USP39: variants seen among roughly 807,000 people sequenced by gnomAD.
The protein encoded by USP39 is ubiquitin specific peptidase 39, also known as ubiquitin carboxyl-terminal hydrolase 39.
In USP39, 38 loss-of-function variants were observed where a neutral mutation model predicts 66.4. The observed-to-expected ratio is 0.57, with a 90% CI of 0.44 to 0.75. The LOEUF (loss-of-function observed/expected upper bound fraction) is 0.75. Among genes scored for constraint, USP39 ranks in the 30% least tolerant of loss-of-function variants. The pLI is 0.00. For missense variants in USP39, 608 were observed against 714.4 expected (o/e 0.85, Z 1.70); for synonymous variants, 303 against 274.6 (o/e 1.10, Z -1.02).
chr2:85,640,616 TATA>T (rs796095068), intron 9 of USP39, among the ~76,000 whole-genome samples: 6 of 140,514 alleles, frequency 4.3e-5, no homozygotes, highest in African/African-American at 1.7e-4. Context: ...TATATATATA[TATA>T]TTTTTTTTTT....
intron 5 of USP39, among the ~76,000 whole-genome samples, chr2:85,630,184 C>T (rs1344253636): frequency 6.6e-6 from 1 of 152,002 alleles, no homozygotes; most frequent in Admixed American, 6.6e-5. Flanking sequence ...GTCCTCACAG[C>T]TCCCTATATT....
rs567706164 is a variant in USP39 at position 85,621,683 on chromosome 2, A to G, written c.433+104A>G. ...TCAGGAATCATATCTAATAATTTCT[A>G]TTTGTTCCCAGGAAATTGAAATATT... is the stretch of plus-strand genomic sequence containing the variant. On this transcript the variant is annotated intron_variant, in intron 3 of 12. Coordinates refer to ENST00000323701, the MANE Select transcript of USP39 (RefSeq NM_006590.4). The G allele has an allele frequency of 2.4e-4, 221 of 906,006 alleles. 1 individual carries two copies. The Middle Eastern group carries it at 4.5e-3, about 19-fold the overall frequency. The allele number at this position is 906,006 out of a possible 1,614,324, so 56.1% of individuals were successfully genotyped here.
rs1325941636 is a variant in USP39, at chr2:85,637,398, A to G, written c.1057A>G (p.Met353Val). Residue 353 changes from methionine (M) to valine (V), a missense_variant, in exon 8 of 13, where the codon ATG (methionine) becomes GTG (valine). Met to Val is a conservative substitution (Grantham distance 21, BLOSUM62 1). This residue lies in a region of USP39 where 72 missense variants were observed against 60.1 expected (regional missense o/e 1.20). Transcript: ENST00000323701. ...TGTGACTGATGTTTTCCAGGGGTCC[A>G]TGAGGATCTTCACTAAAAAGCTTCC... ...TIVTDVFQGSMRIFTKKLPHP... is the reference protein window; with the variant it reads ...TIVTDVFQGSVRIFTKKLPHP... 1 of 1,614,086 alleles carries G rather than the reference A, an allele frequency of 6.2e-7. No individual in the cohort carries two copies. The highest frequency in any genetic ancestry group is 1.3e-5 in the African/African-American group (1 of 74,940).
At chr2:85,604,972 G>A (rs960137573) in intron 1 of USP39, among the ~76,000 whole-genome samples, 4 of 152,212 alleles carry the variant, frequency 2.6e-5, no homozygotes, top group African/African-American at 9.7e-5. Flanking sequence ...ATCCCAGGAT[G>A]GAGCTCCGTA....
At chr2:85,643,784 A>G (rs1676433183) in intron 10 of USP39, among the ~76,000 whole-genome samples, 1 of 151,072 alleles carries the variant, frequency 6.6e-6, no homozygotes, top group African/African-American at 2.4e-5. Flanking sequence ...AATAGGTGGG[A>G]CTACAGGTGC....
upstream of USP39, among the ~76,000 whole-genome samples, chr2:85,615,283 G>A (rs955350478): frequency 2.0e-5 from 3 of 152,158 alleles, no homozygotes; most frequent in African/African-American, 7.2e-5. Context: ...GCCTCCCAAA[G>A]TGCTGGTATT....
upstream of USP39, chr2:85,612,079 G>A (rs1358772432): frequency 8.4e-6 from 9 of 1,066,888 alleles, no homozygotes; most frequent in South Asian, 1.7e-5. Context: ...TCAGCTTCCG[G>A]CCCCGCATCC....
At chr2:85,606,883 G>C (rs1431865455) in intron 1 of USP39, 1 of 151,746 alleles carries the variant, frequency 6.6e-6, no homozygotes, top group African/African-American at 2.4e-5. Context: ...CCAGGTTTAG[G>C]TGATTCTCTT....
chr2:85,639,416 G>T (rs780878897), intron 9 of USP39, 25 bp downstream of exon 9: 2 of 1,582,874 alleles, frequency 1.3e-6, no homozygotes, highest in Admixed American at 1.8e-5. Flanking sequence ...CACCTGCCCT[G>T]CCTATACTTA....
chr2:85,617,325 C>T (rs1289272008), intron 1 of USP39, among the ~76,000 whole-genome samples: 1 of 152,130 alleles, frequency 6.6e-6, no homozygotes, highest in Non-Finnish European at 1.5e-5. Flanking sequence ...GAGCAATAGG[C>T]ACCTCTACTA....
intron 12 of USP39, 124 bp from the exon 13 acceptor site, chr2:85,648,637 G>A (rs928576216): frequency 9.0e-7 from 1 of 1,107,708 alleles, no homozygotes. Context: ...ATTTCCAAAT[G>A]GGGTATAGCA....
chr2:85,639,370 G>A lies in USP39; in HGVS notation c.1263G>A (p.Lys421=), dbSNP rs770205593. The change falls in exon 9 of 13, where the codon AAG becomes AAA. Residue 421 remains lysine (K), a synonymous_variant. Transcript: ENST00000323701. ...TGCCACTCTTCAACATCCTGGCTAA[G>A]TTCAATGGCATCACTGAGAAGGTAG... is the stretch of plus-strand genomic sequence containing the variant. ...PQVPLFNILA[K]FNGITEKEYK... is the part of the protein sequence containing the mutation. 8.1e-5 allele frequency: 130 copies of A among 1,613,138 alleles called. No homozygotes were observed. In the Middle Eastern group the frequency reaches 1.6e-3, roughly 20 times the overall value.
chr2:85,616,181 C>G (rs768449573), upstream of USP39: 2 of 1,422,748 alleles, frequency 1.4e-6, no homozygotes, highest in East Asian at 5.5e-5. Flanking sequence ...CTGGACGACT[C>G]GGCCGGTAGT....
At position 85,640,984 on chromosome 2, in the gene USP39, G is replaced by C. The variant is rs1303852696; in HGVS notation, c.1293G>C (p.Lys431Asn). 1 of 1,609,208 alleles carries C rather than the reference G, an allele frequency of 6.2e-7. No individual in the cohort carries two copies. The highest frequency in any genetic ancestry group is 1.3e-5 in the African/African-American group (1 of 74,444). The change falls in exon 10 of 13, where the codon AAG (lysine) becomes AAC (asparagine). Residue 431 changes from lysine to asparagine, a missense_variant. By Grantham distance (94) the Lys-to-Asn change is moderately conservative. Coordinates refer to ENST00000323701, the MANE Select transcript of USP39 (RefSeq NM_006590.4). ...KFNGITEKEY[K>N]TYKENFLKRF... ...TTCTTTTCTTTCTCTAGGAATATAA[G>C]ACTTACAAGGAGAACTTTCTGAAGC...
At position 85,616,585 on chromosome 2, in the gene USP39, G is replaced by A. The variant is rs374503032; in HGVS notation, c.268+122G>A. ...GGGGGAGGGGTGGGGTTGGGGTGGAGAAGAGGAGGGATCCAGACTCGACGA... is the reference window on the plus strand; with the variant it reads ...GGGGGAGGGGTGGGGTTGGGGTGGAAAAGAGGAGGGATCCAGACTCGACGA... On this transcript the variant is annotated intron_variant, in intron 1 of 12. Transcript: ENST00000323701. The A allele has an allele frequency of 2.8e-4, 380 of 1,373,760 alleles. 5 individuals are homozygous for A. In the South Asian group the frequency reaches 4.7e-3, roughly 17 times the overall value. 85.1% of individuals were successfully genotyped at this position (1,373,760 alleles called of 1,614,324 possible).
At chr2:85,609,113 G>A, upstream of USP39, 1 of 1,605,994 alleles carries the variant, frequency 6.2e-7, no homozygotes, top group Non-Finnish European at 8.5e-7. Flanking sequence ...GCCTCTTCCA[G>A]AAAGGTGACC....
intron 4 of USP39, among the ~76,000 whole-genome samples, chr2:85,625,252 A>G (rs566552617): frequency 2.6e-5 from 4 of 152,250 alleles, no homozygotes; most frequent in East Asian, 3.9e-4. Context: ...TGAGTATTGT[A>G]TGGTTTCTGG....
intron 11 of USP39, among the ~76,000 whole-genome samples, chr2:85,646,438 A>G (rs940500694): frequency 1.3e-5 from 2 of 152,198 alleles, no homozygotes; most frequent in African/African-American, 4.8e-5. Flanking sequence ...AGATGTCAGT[A>G]TCATCTTTTT....
chr2:85,614,437 C>A (rs1418740826), upstream of USP39, among the ~76,000 whole-genome samples: 1 of 151,984 alleles, frequency 6.6e-6, no homozygotes, highest in Non-Finnish European at 1.5e-5. Flanking sequence ...TCACTTGAAC[C>A]CAGGAGGCAG....
Sources: gnomAD v4.1 joint callset for allele counts (sites outside exome capture counted in the v4.1 genomes callset) on GRCh38, gnomAD v4.1.1 for gene constraint, gnomAD v4.1.1 regional missense constraint, MANE v1.5 for transcripts, NCBI Gene and HGNC (gene_info 2026-07-23, HGNC 2026-07-21) for gene names.